Variants in SUCNR1 observed in about 807,000 individuals in gnomAD.
The protein encoded by SUCNR1 is succinate receptor 1.
A neutral mutation model predicts 2.4 loss-of-function variants in SUCNR1; 5 were observed. The observed-to-expected ratio is 2.07, with a 90% CI of 1.08 to 4.36. The LOEUF (loss-of-function observed/expected upper bound fraction) is 4.36, where lower values mean the gene tolerates loss of function less well. SUCNR1 is among the 30% of genes most tolerant of loss of function. The pLI, the probability that SUCNR1 is intolerant of heterozygous loss-of-function variation, is 0.00. For missense variants in SUCNR1, 373 were observed against 399.2 expected (o/e 0.93, Z 0.56); for synonymous variants, 162 against 143.9 (o/e 1.13, Z -0.90).
At position 151,884,494 on chromosome 3, in the gene SUCNR1, T is replaced by G. The variant is rs1718193413; in HGVS notation, c.*2946T>G. On this transcript the variant is annotated 3_prime_UTR_variant, in exon 3 of 3. Transcript: ENST00000362032. ...TGCCTAGTAAATTAGAATTTTATTC[T>G]AGATGATGAATAATGTGTGGCAGAG... 1 of 152,258 alleles carries G rather than the reference T, an allele frequency of 6.6e-6. No homozygotes were observed. Among genetic ancestry groups the G allele is most frequent in the South Asian group, 2.1e-4 (1 of 4,834 alleles). The allele number at this position is 152,258 out of a possible 1,614,324, so 9.4% of individuals were successfully genotyped here. A position where few individuals can be genotyped will look rare whatever the true frequency, so the allele number is the denominator to read the frequency against.
In SUCNR1 at chr3:151,879,898, G is replaced by A. The variant is rs1439749696; in HGVS notation, c.6G>A (p.Leu2=). The A allele has an allele frequency of 2.0e-5, 32 of 1,580,970 alleles. 1 individual carries two copies. In the Admixed American group the frequency reaches 5.5e-4, roughly 27 times the overall value. The change falls in exon 2 of 3, where the codon CTG becomes CTA. Residue 2 remains leucine, a synonymous_variant. Coordinates refer to ENST00000362032, the MANE Select transcript of SUCNR1 (RefSeq NM_033050.6). ...ATTTGTTGAACAACTACGACATGCT[G>A]GGGATCATGGTATGTTTAGAGACAC... M[L]GIMAWNATCK...
rs140738447 is a variant in SUCNR1 at position 151,881,356 on chromosome 3, C to A, written c.813C>A (p.Val271=). The A allele has an allele frequency of 5.4e-5, 87 of 1,614,112 alleles. No individual in the cohort carries two copies. The African/African-American group carries it at 7.3e-4, about 14-fold the overall frequency. The part of the protein sequence containing the change: ...GSWKQYQCTQ[V]VINSFYIVTR... Reference sequence around the variant, plus strand: ...GGAAGCAGTATCAGTGCACTCAGGTCGTCATCAACTCCTTTTACATTGTGA... The same window carrying A: ...GGAAGCAGTATCAGTGCACTCAGGTAGTCATCAACTCCTTTTACATTGTGA... Residue 271 remains valine, a synonymous_variant, in exon 3 of 3, where the codon GTC becomes GTA. Transcript: ENST00000362032.
chr3:151,874,115 CATAT>C (rs1190068160), intron 1 of SUCNR1, among the ~76,000 whole-genome samples: 7 of 119,034 alleles, frequency 5.9e-5, no homozygotes, highest in Non-Finnish European at 8.0e-5. Flanking sequence ...CACACACACA[CATAT>C]ACATACATAT....
intron 1 of SUCNR1, among the ~76,000 whole-genome samples, 154 bp downstream of exon 1, chr3:151,873,860 A>G (rs1002816053): frequency 9.2e-5 from 14 of 152,160 alleles, no homozygotes; most frequent in African/African-American, 3.4e-4. Flanking sequence ...TGAAAAAAAA[A>G]AGTCATTTTT....
In SUCNR1 at chr3:151,880,564, G is replaced by C. The variant is rs1433115344; in HGVS notation, c.21G>C (p.Trp7Cys). 1 of 1,602,070 alleles carries C rather than the reference G, an allele frequency of 6.2e-7. No individual in the cohort carries two copies. Among genetic ancestry groups the C allele is most frequent in the Non-Finnish European group, 8.5e-7 (1 of 1,174,648 alleles). MLGIMA[W>C]NATCKNWLAA... The stretch of plus-strand genomic sequence containing the variant: ...ATTTTCTCTCTCTTCTTTAGGCATG[G>C]AATGCAACTTGCAAAAACTGGCTGG... Residue 7 changes from tryptophan (W) to cysteine (C), a missense_variant, in exon 3 of 3, where the codon TGG becomes TGC. By Grantham distance (215) the Trp-to-Cys change is radical (BLOSUM62 -2). Around this residue, in one of 3 missense-constraint regions of SUCNR1, gnomAD observed 184 missense variants for 162.2 expected, o/e 1.13. Coordinates refer to ENST00000362032, the MANE Select transcript of SUCNR1 (RefSeq NM_033050.6).
intron 1 of SUCNR1, among the ~76,000 whole-genome samples, chr3:151,878,947 A>G (rs999118217): frequency 3.3e-5 from 5 of 152,222 alleles, no homozygotes; most frequent in African/African-American, 1.2e-4. Flanking sequence ...TCTCATAAAA[A>G]GCAGTTTAGG....
intron 1 of SUCNR1, among the ~76,000 whole-genome samples, chr3:151,876,677 T>A (rs1192549423): frequency 3.9e-5 from 6 of 152,100 alleles, no homozygotes; most frequent in Non-Finnish European, 8.8e-5. Context: ...TATACAAATG[T>A]GTTTCTAAAC....
At chr3:151,875,630 G>C (rs1717902632) in intron 1 of SUCNR1, among the ~76,000 whole-genome samples, 1 of 151,968 alleles carries the variant, frequency 6.6e-6, no homozygotes, top group Admixed American at 6.6e-5. Flanking sequence ...GGAGTGGTCT[G>C]TTTACAGACC....
rs759449072 is a variant in SUCNR1, at chr3:151,882,948, A to G, written c.*1400A>G. On this transcript the variant is annotated 3_prime_UTR_variant, in exon 3 of 3. Coordinates refer to ENST00000362032, the MANE Select transcript of SUCNR1 (RefSeq NM_033050.6). ...ATAAGGAGTGAGTAATGTGAAGGAC[A>G]AAATAAGCATTATGAATACAGAGAC... The G allele has an allele frequency of 6.6e-6, 1 of 152,132 alleles. No homozygotes were observed. Among genetic ancestry groups the G allele is most frequent in the Non-Finnish European group, 1.5e-5 (1 of 67,962 alleles). The allele number at this position is 152,132 out of a possible 1,614,324, so 9.4% of individuals were successfully genotyped here.
chr3:151,880,413 T>C, intron 2 of SUCNR1, 146 bp from the exon 3 acceptor site: 1 of 617,726 alleles, frequency 1.6e-6, no homozygotes, highest in Admixed American at 3.2e-5. Context: ...ATGACATATA[T>C]ATATGTGTGT....
Position 151,878,296 on chromosome 3 carries a change from G to C in SUCNR1, c.-41-1556G>C, listed in dbSNP as rs76761062. On this transcript the variant is annotated intron_variant, in intron 1 of 2. Transcript: ENST00000362032. ...CCTTATTGTAAGATTGAAATGATGA[G>C]AGTGTTTAAATTCTAATGGAAAAGA... is the stretch of plus-strand genomic sequence containing the variant. Among the ~76,000 whole-genome samples, 630 of 152,174 alleles carry C rather than the reference G, an allele frequency of 4.1e-3. 8 individuals carry two copies. The highest frequency in any genetic ancestry group is 0.015 in the African/African-American group (609 of 41,534).
Position 151,880,974 on chromosome 3 carries a change from T to C in SUCNR1, c.431T>C (p.Leu144Ser). 12 of 1,614,170 alleles carry C rather than the reference T, an allele frequency of 7.4e-6. No homozygotes were observed. Among genetic ancestry groups the C allele is most frequent in the Non-Finnish European group, 1.0e-5 (12 of 1,180,020 alleles). ...QKKEFAILIS[L>S]AIWVLVTLEL... The stretch of plus-strand genomic sequence containing the variant: ...AAAGAGTTTGCTATTTTAATCTCCT[T>C]GGCCATTTGGGTTTTAGTAACCTTA... Residue 144 changes from leucine (L) to serine (S), a missense_variant, in exon 3 of 3, where the codon TTG becomes TCG. This residue lies in a region of SUCNR1 where 32 missense variants were observed against 58.3 expected (regional missense o/e 0.55). Transcript: ENST00000362032.
intron 1 of SUCNR1, among the ~76,000 whole-genome samples, chr3:151,874,144 ATATTTTTTTTTT>A (rs1184547524): frequency 2.1e-4 from 13 of 62,884 alleles, no homozygotes; most frequent in Admixed American, 6.3e-4. Flanking sequence ...ATATATATAT[ATATTTTTTTTTT>A]TTTTTTTTTT....
At chr3:151,880,173 C>T (rs1419689021) in intron 2 of SUCNR1, among the ~76,000 whole-genome samples, 1 of 152,140 alleles carries the variant, frequency 6.6e-6, no homozygotes, top group Non-Finnish European at 1.5e-5. Flanking sequence ...CACTGCCACC[C>T]TCCATCCCAA....
Position 151,879,990 on chromosome 3 carries a change from G to T in SUCNR1, c.15+83G>T. On this transcript the variant is annotated intron_variant, in intron 2 of 2. Coordinates refer to ENST00000362032, the MANE Select transcript of SUCNR1 (RefSeq NM_033050.6). ...CGTTCCCTTTGTTTCTTTGCTATTT[G>T]CCAAGCCCTCTATTTGTGTTTCCAC... 2.7e-6 allele frequency: 3 copies of T among 1,120,520 alleles called. No individual in the cohort carries two copies. In the South Asian group the frequency reaches 4.9e-5, roughly 18 times the overall value. 69.4% of individuals were successfully genotyped at this position (1,120,520 alleles called of 1,614,324 possible). A position where few individuals can be genotyped will look rare whatever the true frequency, so the allele number is the denominator to read the frequency against.
intron 1 of SUCNR1, among the ~76,000 whole-genome samples, chr3:151,878,750 G>A (rs972660281): frequency 2.6e-5 from 4 of 152,128 alleles, no homozygotes; most frequent in Admixed American, 1.3e-4. Flanking sequence ...ATGTTTTAAA[G>A]TAAGTGATTA....
Position 151,881,092 on chromosome 3 carries a change from C to T in SUCNR1, c.549C>T (p.Tyr183=), listed in dbSNP as rs1718081563. 6.2e-7 allele frequency: 1 copy of T among 1,614,054 alleles called. No homozygotes were observed. Among genetic ancestry groups the T allele is most frequent in the Non-Finnish European group, 8.5e-7 (1 of 1,180,018 alleles). The change falls in exon 3 of 3, where the codon TAC becomes TAT. Residue 183 remains tyrosine, a synonymous_variant. Transcript: ENST00000362032. Reference sequence around the variant, plus strand: ...TTGCAAGTTCTGGAGACCCCAACTACAACCTCATTTACAGCATGTGTCTAA... The same window carrying T: ...TTGCAAGTTCTGGAGACCCCAACTATAACCTCATTTACAGCATGTGTCTAA... ...NDFASSGDPN[Y]NLIYSMCLTL...
chr3:151,874,089 C>T (rs976132765), intron 1 of SUCNR1, among the ~76,000 whole-genome samples: 2 of 45,060 alleles, frequency 4.4e-5, no homozygotes, highest in Non-Finnish European at 8.3e-5. Context: ...TACATACACA[C>T]ACACACACAC....
In SUCNR1 at chr3:151,883,851, A is replaced by T. The variant is rs969508721; in HGVS notation, c.*2303A>T. 2 of 152,042 alleles carry T rather than the reference A, an allele frequency of 1.3e-5. No homozygotes were observed. Among genetic ancestry groups the T allele is most frequent in the African/African-American group, 4.8e-5 (2 of 41,412 alleles). The allele number at this position is 152,042 out of a possible 1,614,324, so 9.4% of individuals were successfully genotyped here. A position where few individuals can be genotyped will look rare whatever the true frequency, so the allele number is the denominator to read the frequency against. ...TCCCATCACTGTTGTCACAAACCAT[A>T]CCCTATAGCTAAAGATTGCTACTTT... On this transcript the variant is annotated 3_prime_UTR_variant, in exon 3 of 3. Coordinates refer to ENST00000362032, the MANE Select transcript of SUCNR1 (RefSeq NM_033050.6).
Sources: gnomAD v4.1 joint callset for allele counts (sites outside exome capture counted in the v4.1 genomes callset) on GRCh38, gnomAD v4.1.1 for gene constraint, gnomAD v4.1.1 regional missense constraint, MANE v1.5 for transcripts, NCBI Gene and HGNC (gene_info 2026-07-23, HGNC 2026-07-21) for gene names.